Variants in CCBE1 observed in about 807,000 individuals in gnomAD.
The protein encoded by CCBE1 is collagen and calcium-binding EGF domain-containing protein 1.
Under a neutral mutation model 50.0 loss-of-function variants are expected in CCBE1, and 37 were observed. That is an observed-to-expected ratio of 0.74 (90% CI 0.57 to 0.97). The LOEUF is 0.97. Ranked by LOEUF, CCBE1 falls within the 50% of genes least tolerant of loss-of-function variation. CCBE1 has a pLI of 0.00. For missense variants in CCBE1, 538 were observed against 523.8 expected, an observed-to-expected ratio of 1.03 and a Z score of -0.26; for synonymous variants, 234 against 203.7, an observed-to-expected ratio of 1.15 and a Z score of -1.27.
intron 2 of CCBE1, among the ~76,000 whole-genome samples, chr18:59,503,705 C>T (rs776210240): frequency 6.6e-6 from 1 of 152,160 alleles, no homozygotes; most frequent in African/African-American, 2.4e-5. Context: ...TATGTATTTT[C>T]TATCCTATTA....
At chr18:59,601,237 G>C (rs1028870790) in intron 2 of CCBE1, among the ~76,000 whole-genome samples, 2 of 151,674 alleles carry the variant, frequency 1.3e-5, no homozygotes, top group African/African-American at 4.8e-5. Context: ...GATGTGGTTT[G>C]GCTGTGTCCA....
intron 2 of CCBE1, among the ~76,000 whole-genome samples, chr18:59,681,766 C>G (rs554093749): frequency 1.3e-5 from 2 of 152,184 alleles, no homozygotes. Context: ...TAAAGCCATT[C>G]AAGAGATTAA....
intron 2 of CCBE1, among the ~76,000 whole-genome samples, chr18:59,615,372 G>A (rs1036187676): frequency 8.5e-5 from 13 of 152,086 alleles, no homozygotes; most frequent in Non-Finnish European, 1.6e-4. Flanking sequence ...TTCGCGCTGC[G>A]TAATTTCACC....
At chr18:59,612,555 A>G (rs2053584875) in intron 2 of CCBE1, among the ~76,000 whole-genome samples, 1 of 152,170 alleles carries the variant, frequency 6.6e-6, no homozygotes, top group South Asian at 2.1e-4. Flanking sequence ...ACCAATAACC[A>G]TGATTATTTA....
At position 59,439,699 on chromosome 18, in the gene CCBE1, T is replaced by C; in HGVS notation, c.893A>G (p.Lys298Arg). The C allele has an allele frequency of 6.2e-7, 1 of 1,614,258 alleles. No homozygotes were observed. Among genetic ancestry groups the C allele is most frequent in the East Asian group, 2.2e-5 (1 of 44,876 alleles). ...MGPSPDLSHI[K>R]QGRRGPVGPP... ...GACCACAGGGCCCCTCCGGCCTTGC[T>C]TAATGTGGGACAGATCAGGAGATGG... The change falls in exon 8 of 11, where the codon AAG (lysine) becomes AGG (arginine). Residue 298 changes from lysine to arginine, a missense_variant. Coordinates refer to ENST00000439986, the MANE Select transcript of CCBE1 (RefSeq NM_133459.4).
intron 2 of CCBE1, chr18:59,666,043 G>C (rs570797866): frequency 6.6e-6 from 1 of 152,372 alleles, no homozygotes; most frequent in South Asian, 2.1e-4. Context: ...GAGACTCGGC[G>C]ATTTACAAAA....
intron 2 of CCBE1, among the ~76,000 whole-genome samples, chr18:59,582,574 A>G (rs1233672592): frequency 6.6e-6 from 1 of 152,134 alleles, no homozygotes; most frequent in East Asian, 1.9e-4. Context: ...ACTCCTCATC[A>G]TACACACCCT....
At chr18:59,595,273 T>C (rs976113782) in intron 2 of CCBE1, among the ~76,000 whole-genome samples, 1 of 151,924 alleles carries the variant, frequency 6.6e-6, no homozygotes, top group African/African-American at 2.4e-5. Flanking sequence ...CAGACAATTT[T>C]GTAAGCTTTC....
At position 59,669,802 on chromosome 18, in the gene CCBE1, T is replaced by A. The variant is rs145855133; in HGVS notation, c.212+26827A>T. Among the ~76,000 whole-genome samples the A allele has an allele frequency of 7.6e-4, 116 of 152,376 alleles. 1 individual carries two copies. Among genetic ancestry groups the A allele is most frequent in the African/African-American group, 2.7e-3 (114 of 41,590 alleles). On this transcript the variant is annotated intron_variant, in intron 2 of 10. Coordinates refer to ENST00000439986, the MANE Select transcript of CCBE1 (RefSeq NM_133459.4). Reference sequence around the variant, plus strand: ...CATGGGGTCAGGCCCACCTTTCAGCTGCAGGACCTAGGATAGATTAACTAT... The same window carrying A: ...CATGGGGTCAGGCCCACCTTTCAGCAGCAGGACCTAGGATAGATTAACTAT...
intron 2 of CCBE1, among the ~76,000 whole-genome samples, chr18:59,501,072 T>C (rs549464916): frequency 4.9e-4 from 75 of 152,354 alleles, no homozygotes; most frequent in Admixed American, 1.2e-3. Flanking sequence ...ACCTAGGATT[T>C]CAATCCCCAA....
intron 2 of CCBE1, among the ~76,000 whole-genome samples, chr18:59,610,629 A>C (rs571651474): frequency 6.6e-6 from 1 of 152,222 alleles, no homozygotes; most frequent in Admixed American, 6.5e-5. Flanking sequence ...CACACCTTGC[A>C]TATCTGGCCT....
chr18:59,668,418 A>AAATAATAATAATAATAATAATAAT lies in CCBE1; in HGVS notation c.212+28187_212+28210dup, dbSNP rs58896218. 6.7e-4 allele frequency among the ~76,000 whole-genome samples: 101 copies of AAATAATAATAATAATAATAATAAT among 150,312 alleles called. 1 individual carries two copies. Among genetic ancestry groups the AAATAATAATAATAATAATAATAAT allele is most frequent in the African/African-American group, 2.5e-3 (99 of 40,404 alleles). On this transcript the variant is annotated intron_variant, in intron 2 of 10. Coordinates refer to ENST00000439986, the MANE Select transcript of CCBE1 (RefSeq NM_133459.4). ...GGCGACAAAGCGAGACTCCATCTCA[A>AAATAATAATAATAATAATAATAAT]AATAATAATAATAATAATAATAATT... is the stretch of plus-strand genomic sequence containing the variant.
At chr18:59,563,748 A>C (rs185087397) in intron 2 of CCBE1, 1 of 152,314 alleles carries the variant, frequency 6.6e-6, no homozygotes, top group East Asian at 1.9e-4. Flanking sequence ...TAGGATTTAC[A>C]AGTCAGTAAA....
chr18:59,657,882 CAACAACA>C (rs142635907), intron 2 of CCBE1, among the ~76,000 whole-genome samples: 1 of 150,436 alleles, frequency 6.6e-6, no homozygotes, highest in Admixed American at 6.6e-5. Context: ...CAACAACAAA[CAACAACA>C]AACAACAACA....
chr18:59,491,272 G>A (rs1009493852), intron 2 of CCBE1, among the ~76,000 whole-genome samples: 4 of 151,986 alleles, frequency 2.6e-5, no homozygotes, highest in African/African-American at 7.3e-5. Flanking sequence ...TTGCCACCTC[G>A]CCCTCTCACC....
intron 2 of CCBE1, among the ~76,000 whole-genome samples, chr18:59,499,493 T>A (rs1227816175): frequency 6.6e-6 from 1 of 152,050 alleles, no homozygotes; most frequent in Non-Finnish European, 1.5e-5. Context: ...GGCCTCACAA[T>A]CATGGCAGAA....
chr18:59,690,624 G>A (rs2054717571), intron 2 of CCBE1, among the ~76,000 whole-genome samples: 3 of 152,242 alleles, frequency 2.0e-5, no homozygotes, highest in Non-Finnish European at 4.4e-5. Flanking sequence ...ACCATAGGAA[G>A]TTGGGCAGCA....
intron 2 of CCBE1, among the ~76,000 whole-genome samples, chr18:59,632,086 T>C (rs530822561): frequency 6.6e-5 from 10 of 152,302 alleles, no homozygotes; most frequent in East Asian, 1.9e-4. Context: ...TAACTAAGCA[T>C]TGAATTTTCT....
chr18:59,437,982 T>C (rs1910235126), intron 10 of CCBE1, 129 bp downstream of exon 10: 1 of 770,446 alleles, frequency 1.3e-6, no homozygotes, highest in Non-Finnish European at 2.2e-6. Flanking sequence ...AACCACAGAG[T>C]TCTGTTCAGG....
Sources: allele counts gnomAD v4.1 joint callset (sites outside exome capture counted in the v4.1 genomes callset), GRCh38; gene constraint gnomAD v4.1.1; transcripts MANE v1.5; gene names NCBI Gene and HGNC (gene_info 2026-07-23, HGNC 2026-07-21).